TNNI3K: variants seen among roughly 807,000 people sequenced by gnomAD.
TNNI3K encodes the protein serine/threonine-protein kinase TNNI3K.
A neutral mutation model predicts 114.5 loss-of-function variants in TNNI3K; 140 were observed. The ratio of observed to expected loss-of-function variants is 1.22; its 90% CI spans 1.07 to 1.41. The LOEUF (loss-of-function observed/expected upper bound fraction) is 1.41. TNNI3K is among the 40% of genes most tolerant of loss of function. The pLI, the probability that TNNI3K is intolerant of heterozygous loss-of-function variation, is 0.00. For synonymous variants in TNNI3K, 347 were observed against 347.5 expected, an observed-to-expected ratio of 1.00 and a Z score of 0.02; for missense variants, 1,125 against 1,007.6, an observed-to-expected ratio of 1.12 and a Z score of -1.58.
intron 17 of TNNI3K, among the ~76,000 whole-genome samples, chr1:74,388,667 T>C (rs1333229807): frequency 3.9e-5 from 6 of 152,240 alleles, no homozygotes; most frequent in Admixed American, 6.5e-5. Context: ...TATTTATTTA[T>C]CTTTCTGACT....
intron 20 of TNNI3K, among the ~76,000 whole-genome samples, chr1:74,460,630 A>AGGAAGGAGAT (rs1667418785): frequency 6.6e-6 from 1 of 152,240 alleles, no homozygotes; most frequent in Non-Finnish European, 1.5e-5. Flanking sequence ...TGAATCTGTA[A>AGGAAGGAGAT]TACCAGAAAA....
chr1:74,442,962 C>A (rs1666442576), intron 20 of TNNI3K, among the ~76,000 whole-genome samples: 1 of 151,960 alleles, frequency 6.6e-6, no homozygotes, highest in South Asian at 2.1e-4. Context: ...TATTTGAAAC[C>A]AGTGAGAACA....
At chr1:74,475,586 G>A (rs770747015) in intron 21 of TNNI3K, 37 of 717,194 alleles carry the variant, frequency 5.2e-5, no homozygotes, top group Admixed American at 1.6e-4. Context: ...TGTAAAAGTG[G>A]CATTTCTTTT....
At chr1:74,434,666 C>T (rs773533721) in intron 17 of TNNI3K, among the ~76,000 whole-genome samples, 2 of 151,948 alleles carry the variant, frequency 1.3e-5, no homozygotes, top group African/African-American at 4.8e-5. Flanking sequence ...GTCTGATTCT[C>T]ATCATGTGTA....
intron 23 of TNNI3K, among the ~76,000 whole-genome samples, chr1:74,492,739 A>T (rs1669142505): frequency 6.6e-6 from 1 of 152,242 alleles, no homozygotes; most frequent in African/African-American, 2.4e-5. Flanking sequence ...AGCAATATTT[A>T]TAATAACCAA....
intron 17 of TNNI3K, among the ~76,000 whole-genome samples, chr1:74,398,829 A>C (rs1664213930): frequency 1.3e-5 from 2 of 152,100 alleles, no homozygotes; most frequent in African/African-American, 2.4e-5. Context: ...CAAGAAAATG[A>C]ATCAAACTCT....
intron 23 of TNNI3K, among the ~76,000 whole-genome samples, chr1:74,508,326 T>A (rs1315587071): frequency 6.6e-6 from 1 of 152,274 alleles, no homozygotes; most frequent in African/African-American, 2.4e-5. Context: ...TACTGAGTTC[T>A]TATTTTGTAC....
intron 17 of TNNI3K, among the ~76,000 whole-genome samples, chr1:74,412,366 C>G (rs1267416563): frequency 2.0e-5 from 3 of 152,008 alleles, no homozygotes; most frequent in African/African-American, 7.2e-5. Context: ...TTAATTTAGG[C>G]AAAGAAACAC....
At chr1:74,543,152 G>T (rs1646748179) in intron 24 of TNNI3K, among the ~76,000 whole-genome samples, 1 of 122,134 alleles carries the variant, frequency 8.2e-6, no homozygotes, top group South Asian at 2.8e-4. Context: ...TCGGCTCACT[G>T]CAACCTCTGC....
chr1:74,464,625 T>C, intron 21 of TNNI3K: 1 of 1,566,638 alleles, frequency 6.4e-7, no homozygotes, highest in Non-Finnish European at 8.7e-7. Context: ...TTTCCATTCT[T>C]TTCCTAAAGG....
intron 17 of TNNI3K, among the ~76,000 whole-genome samples, chr1:74,380,217 C>T (rs1389722789): frequency 6.6e-6 from 1 of 152,064 alleles, no homozygotes; most frequent in African/African-American, 2.4e-5. Flanking sequence ...TGTGTGTGTG[C>T]AAATAAATGT....
At chr1:74,450,246 A>G (rs1283469122) in intron 20 of TNNI3K, among the ~76,000 whole-genome samples, 4 of 151,714 alleles carry the variant, frequency 2.6e-5, no homozygotes, top group Non-Finnish European at 5.9e-5. Context: ...TCTGGGACGC[A>G]TTCAAAGCAG....
intron 5 of TNNI3K, among the ~76,000 whole-genome samples, chr1:74,277,625 T>G (rs942821032): frequency 6.6e-6 from 1 of 152,100 alleles, no homozygotes; most frequent in Non-Finnish European, 1.5e-5. Context: ...AATAACTCCT[T>G]AAAAAGTTGT....
chr1:74,530,167 G>T (rs761848605), intron 23 of TNNI3K, among the ~76,000 whole-genome samples: 16 of 152,176 alleles, frequency 1.1e-4, no homozygotes, highest in Middle Eastern at 3.4e-3. Context: ...AGAGGGTAGG[G>T]TCTATATCCA....
At chr1:74,446,632 T>A (rs139693380) in intron 20 of TNNI3K, among the ~76,000 whole-genome samples, 2,427 of 150,482 alleles carry the variant, frequency 0.016, 131 homozygotes, top group African/African-American at 0.057. Flanking sequence ...ATGTCCTGAA[T>A]GGTAATGCCA....
At chr1:74,463,162 C>T (rs949417278) in intron 20 of TNNI3K, among the ~76,000 whole-genome samples, 1 of 152,196 alleles carries the variant, frequency 6.6e-6, no homozygotes, top group African/African-American at 2.4e-5. Flanking sequence ...ATACTTCAGA[C>T]AAACAAAACT....
chr1:74,336,844 A>G (rs535529111), intron 7 of TNNI3K, among the ~76,000 whole-genome samples: 2,293 of 152,236 alleles, frequency 0.015, 51 homozygotes, highest in African/African-American at 0.05. Context: ...AGCATGATTT[A>G]TAGTCCTTTG....
intron 5 of TNNI3K, among the ~76,000 whole-genome samples, chr1:74,320,782 T>C (rs895309522): frequency 6.6e-6 from 1 of 152,196 alleles, no homozygotes; most frequent in Non-Finnish European, 1.5e-5. Context: ...TTGAGTGTAA[T>C]TTAGAAGTTG....
At chr1:74,540,464 T>A (rs2100464181) in intron 24 of TNNI3K, 151 bp downstream of exon 24, 1 of 758,250 alleles carries the variant, frequency 1.3e-6, no homozygotes, top group East Asian at 2.8e-5. Context: ...ATTTTATATG[T>A]CTTTTATAAC....
Sources: allele counts gnomAD v4.1 joint callset (sites outside exome capture counted in the v4.1 genomes callset), GRCh38; gene constraint gnomAD v4.1.1; transcripts MANE v1.5; gene names NCBI Gene and HGNC (gene_info 2026-07-23, HGNC 2026-07-21).